SCN9A: variants seen among roughly 807,000 people sequenced by gnomAD.
The protein encoded by SCN9A is sodium channel protein type 9 subunit alpha.
A neutral mutation model predicts 187.0 loss-of-function variants in SCN9A; 131 were observed. The ratio of observed to expected loss-of-function variants is 0.70; its 90% CI spans 0.61 to 0.81. The LOEUF is 0.81. Among genes scored for constraint, SCN9A ranks in the 30% least tolerant of loss-of-function variants. The probability of loss-of-function intolerance (pLI) is 0.00; values close to 1 mark genes in which losing one functional copy is unlikely to be tolerated. For missense variants in SCN9A, 2,252 were observed against 2,396.6 expected (o/e 0.94, Z 1.26); for synonymous variants, 809 against 808.6 (o/e 1.00, Z -0.01).
At chr2:166,330,540 T>C (rs1388871761) in intron 1 of SCN9A, among the ~76,000 whole-genome samples, 1 of 152,110 alleles carries the variant, frequency 6.6e-6, no homozygotes, top group Non-Finnish European at 1.5e-5. Context: ...TACCAGACAT[T>C]TTACCTATTT....
At position 166,304,270 on chromosome 2, in the gene SCN9A, A is replaced by G; in HGVS notation, c.656T>C (p.Leu219Ser). Residue 219 changes from leucine to serine, a missense_variant, in exon 6 of 27, where the codon TTG becomes TCG. Leu to Ser is a moderately radical substitution (Grantham distance 145, BLOSUM62 -2). Coordinates refer to ENST00000642356, the MANE Select transcript of SCN9A (RefSeq NM_001365536.1). ...NVSALRTFRV[L>S]RALKTISVIP... ...TACAGAAATAGTTTTCAAAGCTCTC[A>G]ATACTCTGAAAGTTCGAAGAGCTGA... The G allele has an allele frequency of 6.2e-7, 1 of 1,613,598 alleles. No homozygotes were observed. The highest frequency in any genetic ancestry group is 1.3e-5 in the African/African-American group (1 of 75,008).
intron 1 of SCN9A, among the ~76,000 whole-genome samples, chr2:166,344,932 T>C (rs1170470179): frequency 6.6e-6 from 1 of 152,192 alleles, no homozygotes; most frequent in Non-Finnish European, 1.5e-5. Context: ...TGTCCTTTGT[T>C]ATCTTTGCCA....
intron 1 of SCN9A, among the ~76,000 whole-genome samples, chr2:166,373,486 G>A (rs1315750730): frequency 6.6e-6 from 1 of 152,038 alleles, no homozygotes; most frequent in Non-Finnish European, 1.5e-5. Flanking sequence ...AACTAATTTG[G>A]TGGCCGTGTA....
At chr2:166,223,875 G>T (rs1694733195) in intron 24 of SCN9A, among the ~76,000 whole-genome samples, 1 of 152,062 alleles carries the variant, frequency 6.6e-6, no homozygotes, top group Non-Finnish European at 1.5e-5. Context: ...TGAAGTGTTG[G>T]TCATGTTTTT....
chr2:166,281,893 G>T, intron 12 of SCN9A, 85 bp from the exon 13 acceptor site: 1 of 1,256,040 alleles, frequency 8.0e-7, no homozygotes, highest in Non-Finnish European at 1.1e-6. Flanking sequence ...TATAGCTGTA[G>T]TGAGTAATTA....
intron 1 of SCN9A, among the ~76,000 whole-genome samples, chr2:166,323,505 A>T (rs1195279743): frequency 6.6e-6 from 1 of 152,078 alleles, no homozygotes; most frequent in Non-Finnish European, 1.5e-5. Flanking sequence ...AAAATTGTAA[A>T]TCCTCTAAAA....
intron 1 of SCN9A, among the ~76,000 whole-genome samples, chr2:166,345,174 A>G (rs1424926385): frequency 6.6e-6 from 1 of 152,142 alleles, no homozygotes; most frequent in Non-Finnish European, 1.5e-5. Flanking sequence ...CCCTGAATGA[A>G]TGAATCAATC....
In SCN9A at chr2:166,198,910, T is replaced by C. The variant is rs771138215; in HGVS notation, c.5729A>G (p.Lys1910Arg). The change falls in exon 27 of 27, where the codon AAA becomes AGA. Residue 1910 changes from lysine to arginine, a missense_variant. By Grantham distance (26) the Lys-to-Arg change is conservative. Transcript: ENST00000642356. ...YRRYRLRQNV[K>R]NISSIYIKDG... ...TTTTATGTATATACTTGATATATTT[T>C]TGACATTTTGCCTTAAGCGGTAACG... The C allele has an allele frequency of 1.2e-6, 2 of 1,613,900 alleles. No homozygotes were observed. The highest frequency in any genetic ancestry group is 2.2e-5 in the South Asian group (2 of 91,086).
intron 1 of SCN9A, among the ~76,000 whole-genome samples, chr2:166,347,547 C>T (rs745714010): frequency 6.6e-6 from 1 of 152,124 alleles, no homozygotes; most frequent in Non-Finnish European, 1.5e-5. Context: ...AAGTGGACCC[C>T]TGGTTGGGGA....
chr2:166,274,436 T>A (rs1697139811), intron 16 of SCN9A, among the ~76,000 whole-genome samples: 1 of 152,164 alleles, frequency 6.6e-6, no homozygotes. Flanking sequence ...TTCCAAATGT[T>A]TTCCTAAACC....
chr2:166,337,634 A>T (rs1263170530), intron 1 of SCN9A, among the ~76,000 whole-genome samples: 1 of 152,132 alleles, frequency 6.6e-6, no homozygotes, highest in Non-Finnish European at 1.5e-5. Context: ...TTGAGCTGGT[A>T]TAGGAAAGAA....
At chr2:166,346,986 T>C (rs1188888485) in intron 1 of SCN9A, among the ~76,000 whole-genome samples, 1 of 152,138 alleles carries the variant, frequency 6.6e-6, no homozygotes, top group African/African-American at 2.4e-5. Flanking sequence ...AAAAATAAAA[T>C]AGGGAATTGG....
In SCN9A at chr2:166,284,551, C is replaced by T. The variant is rs764566980; in HGVS notation, c.1876G>A (p.Gly626Ser). 6.2e-7 allele frequency: 1 copy of T among 1,614,146 alleles called. No homozygotes were observed. The highest frequency in any genetic ancestry group is 8.5e-7 in the Non-Finnish European group (1 of 1,180,004). ...CGTCCATCAACCAGGGAGACCACAC[C>T]GTTGCAGTCCACAGCACTGTGCATT... is the stretch of plus-strand genomic sequence containing the variant. ...GKMHSAVDCN[G>S]VVSLVDGRSA... is the part of the protein sequence containing the mutation. Residue 626 changes from glycine to serine, a missense_variant, in exon 12 of 27, where the codon GGT (glycine) becomes AGT (serine). By Grantham distance (56) the Gly-to-Ser change is moderately conservative. Around this residue, in one of 7 missense-constraint regions of SCN9A, gnomAD observed 1,013 missense variants for 997.4 expected, o/e 1.02. Transcript: ENST00000642356.
Position 166,204,455 on chromosome 2 carries a change from G to A in SCN9A, c.4408C>T (p.Gln1470Ter). The part of the protein sequence containing the change: ...FNQQKKKLGG[Q>*]DIFMTEEQKK... Reference sequence around the variant, plus strand: ...TGTTCTTCTGTCATAAAGATGTCTTGACCTCCAAGGTAAAGAAACAAACAA... The same window carrying A: ...TGTTCTTCTGTCATAAAGATGTCTTAACCTCCAAGGTAAAGAAACAAACAA... The change falls in exon 25 of 27, where the codon CAA becomes TAA. Residue 1470 changes from glutamine (Q) to a stop codon, truncating the protein, a stop_gained. Coordinates refer to ENST00000642356, the MANE Select transcript of SCN9A (RefSeq NM_001365536.1). LOFTEE classifies it high-confidence loss of function. 1 of 1,537,470 alleles carries A rather than the reference G, an allele frequency of 6.5e-7. No individual in the cohort carries two copies. The highest frequency in any genetic ancestry group is 8.7e-7 in the Non-Finnish European group (1 of 1,151,062).
chr2:166,284,879 A>G lies in SCN9A; in HGVS notation c.1603-55T>C, dbSNP rs73969657. The G allele has an allele frequency of 0.011, 16,381 of 1,495,772 alleles. 713 individuals carry two copies. The African/African-American group carries it at 0.13, about 12-fold the overall frequency. 92.7% of individuals were successfully genotyped at this position (1,495,772 alleles called of 1,614,324 possible). On this transcript the variant is annotated intron_variant, in intron 11 of 26. Coordinates refer to ENST00000642356, the MANE Select transcript of SCN9A (RefSeq NM_001365536.1). ...CTGAAGCACCTACTGATAGAAGTAC[A>G]CTTCATATAAATACCACTGAACCCA...
At position 166,204,172 on chromosome 2, in the gene SCN9A, AAT is replaced by A; in HGVS notation, c.4555_4556del (p.Ile1519Ter). On this transcript the variant is annotated frameshift_variant, in exon 26 of 27. Coordinates refer to ENST00000642356, the MANE Select transcript of SCN9A (RefSeq NM_001365536.1). LOFTEE classifies it high-confidence loss of function. ...FDLVTNQAFD[I>X]SIMVLICLNM... ...TGAGACAGATAAGAACCATGATACT[AAT>A]ATCAAAGGCTTGATTTGTCACTAGG... 6.2e-7 allele frequency: 1 copy of A among 1,612,280 alleles called. No homozygotes were observed. Among genetic ancestry groups the A allele is most frequent in the Non-Finnish European group, 8.5e-7 (1 of 1,178,706 alleles).
intron 1 of SCN9A, among the ~76,000 whole-genome samples, chr2:166,373,494 G>A (rs1460042488): frequency 6.6e-6 from 1 of 152,032 alleles, no homozygotes; most frequent in Non-Finnish European, 1.5e-5. Context: ...TGGTGGCCGT[G>A]TAGATACAGA....
intron 18 of SCN9A, chr2:166,249,443 A>C (rs1350369145): frequency 1.3e-5 from 2 of 152,116 alleles, no homozygotes; most frequent in African/African-American, 4.8e-5. Flanking sequence ...ACACGGTTGA[A>C]AGGCTAAGCA....
intron 17 of SCN9A, among the ~76,000 whole-genome samples, chr2:166,262,308 G>T (rs563040594): frequency 6.6e-6 from 1 of 152,056 alleles, no homozygotes; most frequent in South Asian, 2.1e-4. Flanking sequence ...TGAATAAATG[G>T]AAAGGAAAGG....
Sources: allele counts gnomAD v4.1 joint callset (sites outside exome capture counted in the v4.1 genomes callset), GRCh38; gene constraint gnomAD v4.1.1; regional missense constraint gnomAD v4.1.1; transcripts MANE v1.5; gene names NCBI Gene and HGNC (gene_info 2026-07-23, HGNC 2026-07-21).